Variants in PPIP5K1 observed in about 807,000 individuals in gnomAD.
PPIP5K1 encodes the protein diphosphoinositol pentakisphosphate kinase 1, also known as inositol hexakisphosphate and diphosphoinositol-pentakisphosphate kinase 1.
A neutral mutation model predicts 27.7 loss-of-function variants in PPIP5K1; 6 were observed. The observed-to-expected ratio is 0.22, with a 90% confidence interval of 0.12 to 0.43. The LOEUF (loss-of-function observed/expected upper bound fraction) is 0.43, where lower values mean the gene tolerates loss of function less well. Among genes scored for constraint, PPIP5K1 ranks in the 20% least tolerant of loss-of-function variants. The probability of loss-of-function intolerance (pLI) is 1.00; values close to 1 mark genes in which losing one functional copy is unlikely to be tolerated. For synonymous variants in PPIP5K1, 145 were observed against 242.6 expected (o/e 0.60, Z 3.74); for missense variants, 394 against 635.4 (o/e 0.62, Z 4.08).
At chr15:43,537,803 A>G (rs1169756510) in intron 31 of PPIP5K1, among the ~76,000 whole-genome samples, 1 of 150,798 alleles carries the variant, frequency 6.6e-6, no homozygotes, top group Non-Finnish European at 1.5e-5. Context: ...TACAGACCCT[A>G]AAGAAGACGT....
At position 43,534,639 on chromosome 15, in the gene PPIP5K1, A is replaced by G. The variant is rs2079582406; in HGVS notation, c.*35T>C. 6.7e-7 allele frequency: 1 copy of G among 1,495,244 alleles called. No homozygotes were observed. Among genetic ancestry groups the G allele is most frequent in the South Asian group, 1.4e-5 (1 of 71,906 alleles). 92.6% of individuals were successfully genotyped at this position (1,495,244 alleles called of 1,614,324 possible). ...GGCTTGAGGAATACCCTCTCCAGGC[A>G]GCTGATCAATCACTTCAGGGACCAC... On this transcript the variant is annotated 3_prime_UTR_variant, in exon 32 of 32. Coordinates refer to ENST00000420765, the MANE Select transcript of PPIP5K1 (RefSeq NM_001394395.1).
At chr15:43,546,319 A>C (rs991827588) in intron 30 of PPIP5K1, among the ~76,000 whole-genome samples, 1 of 152,144 alleles carries the variant, frequency 6.6e-6, no homozygotes, top group South Asian at 2.1e-4. Context: ...CTTTTTGAGA[A>C]AGGGTCTTGC....
At chr15:43,546,971 T>C (rs1270381404) in intron 30 of PPIP5K1, among the ~76,000 whole-genome samples, 6 of 152,234 alleles carry the variant, frequency 3.9e-5, no homozygotes, top group Non-Finnish European at 8.8e-5. Context: ...TGTTTAATTT[T>C]TTGAGGAACA....
rs2079640175 is a variant in PPIP5K1, at chr15:43,534,998, C to A, written c.4149G>T (p.Gln1383His). 1 of 1,613,774 alleles carries A rather than the reference C, an allele frequency of 6.2e-7. No homozygotes were observed. Among genetic ancestry groups the A allele is most frequent in the Non-Finnish European group, 8.5e-7 (1 of 1,179,902 alleles). Residue 1383 changes from glutamine (Q) to histidine (H), a missense_variant, in exon 32 of 32, where the codon CAG becomes CAT. By Grantham distance (24) the Gln-to-His change is conservative. This residue lies in a region of PPIP5K1 where 379 missense variants were observed against 423.9 expected (regional missense o/e 0.89). Coordinates refer to ENST00000420765, the MANE Select transcript of PPIP5K1 (RefSeq NM_001394395.1). ...CCTCCTCGGAGTTCTCCAGACATAG[C>A]TGGCAAACTTCCTCAGAGACTTTCT... ...LCQKVSEEVC[Q>H]LCLENSEEVS...
At chr15:43,580,536 G>C (rs1372291392) in intron 10 of PPIP5K1, among the ~76,000 whole-genome samples, 1 of 124,352 alleles carries the variant, frequency 8.0e-6, no homozygotes, top group Non-Finnish European at 1.6e-5. Context: ...TGTTAGAAAG[G>C]CAAGGAGCCT....
rs527495240 is a variant in PPIP5K1, at chr15:43,550,053, G to A, written c.3556+8742C>T. On this transcript the variant is annotated intron_variant, in intron 30 of 31. Transcript: ENST00000420765. ...ACTCCTGGCCTCAAATGATCCTCCCGCCTTAGCCTCTCAAAGTGCCAGGAT... is the reference window on the plus strand; with the variant it reads ...ACTCCTGGCCTCAAATGATCCTCCCACCTTAGCCTCTCAAAGTGCCAGGAT... Among the ~76,000 whole-genome samples, 977 of 152,172 alleles carry A rather than the reference G, an allele frequency of 6.4e-3. 6 individuals carry two copies. Among genetic ancestry groups the A allele is most frequent in the Non-Finnish European group, 0.01 (698 of 67,998 alleles).
At chr15:43,579,817 C>T (rs1354652097) in intron 10 of PPIP5K1, among the ~76,000 whole-genome samples, 1 of 9,888 alleles carries the variant, frequency 1.0e-4, no homozygotes, top group Non-Finnish European at 1.5e-4. Flanking sequence ...GAACCACCAC[C>T]ACGGCTGACT....
chr15:43,539,722 C>T (rs773017865), intron 30 of PPIP5K1, 139 bp from the exon 31 acceptor site: 11 of 589,508 alleles, frequency 1.9e-5, no homozygotes, highest in African/African-American at 3.8e-5. Context: ...GGGGACCCTT[C>T]AACCAAACCA....
intron 31 of PPIP5K1, among the ~76,000 whole-genome samples, chr15:43,538,269 T>C (rs2255440): frequency 0.27 from 41,711 of 152,186 alleles, 9,830 homozygotes; most frequent in African/African-American, 0.63. Context: ...GGCAGGATGA[T>C]ACTTCACCAG....
Position 43,539,509 on chromosome 15 carries a change from G to T in PPIP5K1, c.3631C>A (p.Pro1211Thr). The change falls in exon 31 of 32, where the codon CCC becomes ACC. Residue 1211 changes from proline (P) to threonine (T), a missense_variant. Pro to Thr is a conservative substitution (Grantham distance 38). Coordinates refer to ENST00000420765, the MANE Select transcript of PPIP5K1 (RefSeq NM_001394395.1). The stretch of plus-strand genomic sequence containing the variant: ...TCAGAGCGCTGCTGGAGTTGCAGGG[G>T]AGGTGAATGAAGAGTACGTGGTGGA... ...FSPPRTLHSP[P>T]LQLQQRSEKP... The T allele has an allele frequency of 6.2e-7, 1 of 1,609,214 alleles. No homozygotes were observed. The highest frequency in any genetic ancestry group is 1.1e-5 in the South Asian group (1 of 89,806).
chr15:43,539,555 C>T lies in PPIP5K1; in HGVS notation c.3585G>A (p.Gln1195=). ...AALFDSMHSS[Q]ASDNPFSPPR... ...GTGGAGAAAATGGGTTATCTGAGGCCTGGCTGCTGTGCATGGAATCAAAGA... is the reference window on the plus strand; with the variant it reads ...GTGGAGAAAATGGGTTATCTGAGGCTTGGCTGCTGTGCATGGAATCAAAGA... Residue 1195 remains glutamine, a synonymous_variant, in exon 31 of 32, where the codon CAG becomes CAA. Transcript: ENST00000420765. 6.2e-7 allele frequency: 1 copy of T among 1,607,626 alleles called. No individual in the cohort carries two copies. The highest frequency in any genetic ancestry group is 8.5e-7 in the Non-Finnish European group (1 of 1,176,048).
In PPIP5K1 at chr15:43,549,047, AAAAAAAAAAATATATATATAT is replaced by A. The variant is rs1199324740; in HGVS notation, c.3557-9485_3557-9465del. 2.6e-3 allele frequency among the ~76,000 whole-genome samples: 215 copies of A among 82,890 alleles called. 8 individuals carry two copies. Among genetic ancestry groups the A allele is most frequent in the African/African-American group, 0.018 (187 of 10,618 alleles). The allele number at this position is 82,890 out of a possible 152,430, so 54.4% of individuals were successfully genotyped here. On this transcript the variant is annotated intron_variant, in intron 30 of 31. Coordinates refer to ENST00000420765, the MANE Select transcript of PPIP5K1 (RefSeq NM_001394395.1). ...CATCTCAAAAAAAAAAAAAAAAAAA[AAAAAAAAAAATATATATATAT>A]ATATATATATATACATATATATAAT...
chr15:43,579,124 G>C lies in PPIP5K1; in HGVS notation c.1062-4C>G, dbSNP rs2141327270. 3.1e-5 allele frequency: 1 copy of C among 32,008 alleles called. No individual in the cohort carries two copies. Among genetic ancestry groups the C allele is most frequent in the Middle Eastern group, 5.6e-3 (1 of 180 alleles). The allele number at this position is 32,008 out of a possible 1,614,324, so 2.0% of individuals were successfully genotyped here. On this transcript the variant is annotated splice_region_variant and splice_polypyrimidine_tract_variant and intron_variant, in intron 10 of 31. Coordinates refer to ENST00000420765, the MANE Select transcript of PPIP5K1 (RefSeq NM_001394395.1). ...AAGCTCCCGCATTATGGTGTTCCTA[G>C]AAAGAGAAACAAAGAAGCCCTGTAA... is the stretch of plus-strand genomic sequence containing the variant.
chr15:43,586,700 A>AATGATG (rs375477880), intron 1 of PPIP5K1, among the ~76,000 whole-genome samples: 1 of 110,616 alleles, frequency 9.0e-6, no homozygotes, highest in African/African-American at 3.2e-5. Context: ...TGCCTCAAAT[A>AATGATG]ATGATGATAA....
At chr15:43,542,360 C>T (rs939793184) in intron 30 of PPIP5K1, among the ~76,000 whole-genome samples, 4 of 150,930 alleles carry the variant, frequency 2.7e-5, no homozygotes, top group African/African-American at 9.8e-5. Flanking sequence ...GGTACGATCA[C>T]AGCTCACTGC....
chr15:43,540,512 C>A (rs553856937), intron 30 of PPIP5K1, among the ~76,000 whole-genome samples: 1 of 152,046 alleles, frequency 6.6e-6, no homozygotes, highest in East Asian at 1.9e-4. Flanking sequence ...GCCTGACCAA[C>A]ATGGTGAAAC....
chr15:43,540,764 G>A (rs968450225), intron 30 of PPIP5K1, among the ~76,000 whole-genome samples: 7 of 150,666 alleles, frequency 4.6e-5, no homozygotes, highest in African/African-American at 1.7e-4. Context: ...GGAGGCTGAG[G>A]CATGAGAATC....
At chr15:43,541,151 T>C (rs563251589) in intron 30 of PPIP5K1, among the ~76,000 whole-genome samples, 1 of 152,206 alleles carries the variant, frequency 6.6e-6, no homozygotes, top group Non-Finnish European at 1.5e-5. Context: ...GGTCTCGCTG[T>C]CACCCAGGCT....
intron 30 of PPIP5K1, among the ~76,000 whole-genome samples, chr15:43,552,659 C>T (rs2082375319): frequency 6.6e-6 from 1 of 151,130 alleles, no homozygotes; most frequent in African/African-American, 2.4e-5. Flanking sequence ...CATGATCGTA[C>T]CACTGCACGC....
Sources: allele counts gnomAD v4.1 joint callset (sites outside exome capture counted in the v4.1 genomes callset), GRCh38; gene constraint gnomAD v4.1.1; regional missense constraint gnomAD v4.1.1; transcripts MANE v1.5; gene names NCBI Gene and HGNC (gene_info 2026-07-23, HGNC 2026-07-21).